FGGY: variants seen among roughly 807,000 people sequenced by gnomAD.
The protein encoded by FGGY is FGGY carbohydrate kinase domain-containing protein.
In FGGY, 72 loss-of-function variants were observed where a neutral mutation model predicts 71.3. The observed-to-expected ratio is 1.01, with a 90% CI of 0.84 to 1.23. The LOEUF (loss-of-function observed/expected upper bound fraction) is 1.23. Among genes scored for constraint, FGGY ranks in the 50% most tolerant of loss-of-function variants. The probability of loss-of-function intolerance (pLI) is 0.00; values close to 1 mark genes in which losing one functional copy is unlikely to be tolerated. For synonymous variants in FGGY, 251 were observed against 250.3 expected (o/e 1.00, Z -0.02); for missense variants, 668 against 682.3 (o/e 0.98, Z 0.23).
intron 2 of FGGY, among the ~76,000 whole-genome samples, chr1:59,338,676 T>TA (rs1369749312): frequency 2.6e-5 from 4 of 152,004 alleles, no homozygotes; most frequent in Non-Finnish European, 5.9e-5. Flanking sequence ...TACCTCTTTT[T>TA]AAAAAAAATC....
intron 5 of FGGY, among the ~76,000 whole-genome samples, chr1:59,432,560 A>G (rs2067600201): frequency 6.6e-6 from 1 of 152,188 alleles, no homozygotes; most frequent in African/African-American, 2.4e-5. Context: ...AAAATCCCTC[A>G]CACACGTGAT....
intron 11 of FGGY, among the ~76,000 whole-genome samples, chr1:59,645,634 G>A (rs115089630): frequency 0.037 from 5,660 of 152,246 alleles, 211 homozygotes; most frequent in African/African-American, 0.099. Flanking sequence ...AGTCCTTGCC[G>A]TCTGGTATAT....
chr1:59,329,312 TA>T (rs34447154), intron 2 of FGGY, among the ~76,000 whole-genome samples: 1 of 151,822 alleles, frequency 6.6e-6, no homozygotes, highest in Non-Finnish European at 1.5e-5. Flanking sequence ...GCACTGTATC[TA>T]AAAAAAAGGT....
At chr1:59,537,656 T>C (rs28814917) in intron 7 of FGGY, among the ~76,000 whole-genome samples, 25,219 of 151,556 alleles carry the variant, frequency 0.17, 2,479 homozygotes, top group South Asian at 0.34. Context: ...GAAATATAGA[T>C]CAATGGAACA....
chr1:59,512,852 GGCT>G (rs1417168635), intron 7 of FGGY, among the ~76,000 whole-genome samples: 5 of 151,952 alleles, frequency 3.3e-5, no homozygotes, highest in Non-Finnish European at 5.9e-5. Context: ...CCAGTTCCTT[GGCT>G]GCAGTCTTGA....
chr1:59,521,421 T>C (rs1441708011), intron 7 of FGGY, among the ~76,000 whole-genome samples: 2 of 152,130 alleles, frequency 1.3e-5, no homozygotes, highest in African/African-American at 2.4e-5. Context: ...TTTGACTCTG[T>C]GGAAGAAAAC....
chr1:59,381,496 G>A (rs1307340609), intron 5 of FGGY, among the ~76,000 whole-genome samples: 4 of 151,860 alleles, frequency 2.6e-5, no homozygotes, highest in South Asian at 2.1e-4. Context: ...ATTATCCAAG[G>A]CCTACACAGG....
At chr1:59,720,469 G>A (rs1468753313) in intron 14 of FGGY, among the ~76,000 whole-genome samples, 1 of 152,100 alleles carries the variant, frequency 6.6e-6, no homozygotes, top group African/African-American at 2.4e-5. Flanking sequence ...ATGAAGAGAG[G>A]AAAATCCACT....
intron 11 of FGGY, among the ~76,000 whole-genome samples, chr1:59,644,125 C>A (rs901558731): frequency 6.6e-6 from 1 of 152,054 alleles, no homozygotes; most frequent in African/African-American, 2.4e-5. Context: ...AAACTCTGAC[C>A]CTGTCTCTTC....
At chr1:59,419,288 T>C (rs1327401571) in intron 5 of FGGY, among the ~76,000 whole-genome samples, 1 of 151,368 alleles carries the variant, frequency 6.6e-6, no homozygotes, top group Non-Finnish European at 1.5e-5. Context: ...GAAATGAGGC[T>C]AGAGGTAAAA....
At chr1:59,367,572 T>C (rs1220317659) in intron 4 of FGGY, among the ~76,000 whole-genome samples, 1 of 152,246 alleles carries the variant, frequency 6.6e-6, no homozygotes, top group East Asian at 1.9e-4. Context: ...CCCTTTGCAA[T>C]TACACAGTAG....
intron 14 of FGGY, among the ~76,000 whole-genome samples, chr1:59,704,985 C>T (rs1248354946): frequency 1.3e-5 from 2 of 152,118 alleles, no homozygotes; most frequent in Non-Finnish European, 2.9e-5. Flanking sequence ...AATGACTGCT[C>T]ATTGTTCTTT....
chr1:59,458,768 A>G (rs1372754834), intron 6 of FGGY, among the ~76,000 whole-genome samples: 1 of 152,192 alleles, frequency 6.6e-6, no homozygotes, highest in Non-Finnish European at 1.5e-5. Flanking sequence ...ATTTATCAAA[A>G]TTAATTGTGT....
chr1:59,601,461 A>G (rs928025246), intron 8 of FGGY, among the ~76,000 whole-genome samples: 1 of 152,230 alleles, frequency 6.6e-6, no homozygotes, highest in Admixed American at 6.5e-5. Context: ...AAAGAGAGGC[A>G]GGAGCACATG....
chr1:59,341,871 T>A (rs2050774474), intron 3 of FGGY, among the ~76,000 whole-genome samples: 1 of 152,196 alleles, frequency 6.6e-6, no homozygotes, highest in African/African-American at 2.4e-5. Flanking sequence ...ATAGATCAGA[T>A]GTCTCTTACT....
intron 5 of FGGY, among the ~76,000 whole-genome samples, chr1:59,380,961 T>C (rs1191251895): frequency 6.6e-6 from 1 of 152,114 alleles, no homozygotes; most frequent in African/African-American, 2.4e-5. Context: ...CTTGAATTAA[T>C]TTTTGTATAG....
At chr1:59,303,944 G>A (rs1553130334) in intron 1 of FGGY, among the ~76,000 whole-genome samples, 1 of 151,832 alleles carries the variant, frequency 6.6e-6, no homozygotes, top group Non-Finnish European at 1.5e-5. Flanking sequence ...AAAAAATTAA[G>A]TTACTTGAGT....
chr1:59,716,217 G>A (rs2097845070), intron 14 of FGGY, among the ~76,000 whole-genome samples: 1 of 152,150 alleles, frequency 6.6e-6, no homozygotes, highest in Non-Finnish European at 1.5e-5. Flanking sequence ...TATATGAAAT[G>A]CCTAGCATAG....
At chr1:59,424,869 G>A (rs1373509454) in intron 5 of FGGY, among the ~76,000 whole-genome samples, 3 of 152,218 alleles carry the variant, frequency 2.0e-5, no homozygotes, top group Non-Finnish European at 2.9e-5. Flanking sequence ...AGCCAGTTAT[G>A]AAGGATATAG....
Sources: allele counts gnomAD v4.1 joint callset (sites outside exome capture counted in the v4.1 genomes callset), GRCh38; gene constraint gnomAD v4.1.1; transcripts MANE v1.5; gene names NCBI Gene and HGNC (gene_info 2026-07-23, HGNC 2026-07-21).